Variants in CCDC18 observed in about 807,000 individuals in gnomAD.
CCDC18 encodes coiled-coil domain containing 18, also known as coiled-coil domain-containing protein 18.
CCDC18 carries 157 observed loss-of-function variants against 196.0 expected under a neutral mutation model. That is an observed-to-expected ratio of 0.80 (90% CI 0.70 to 0.91). CCDC18 has a LOEUF of 0.91. Ranked by LOEUF, CCDC18 falls within the 40% of genes least tolerant of loss-of-function variation. The pLI, the probability that CCDC18 is intolerant of heterozygous loss-of-function variation, is 0.00. For missense variants in CCDC18, 1,465 were observed against 1,611.6 expected, an observed-to-expected ratio of 0.91 and a Z score of 1.56; for synonymous variants, 482 against 529.2, an observed-to-expected ratio of 0.91 and a Z score of 1.22.
Position 93,270,587 on chromosome 1 carries a change from C to G in CCDC18, c.4126C>G (p.Gln1376Glu). The change falls in exon 28 of 29, where the codon CAG (glutamine) becomes GAG (glutamate). Residue 1376 changes from glutamine (Q) to glutamate (E), a missense_variant. Gln to Glu is a conservative substitution (Grantham distance 29). Coordinates refer to ENST00000690025, the MANE Select transcript of CCDC18 (RefSeq NM_001378204.1). ...GDEDLSEELL[Q>E]DLKKMQLEQP... Reference sequence around the variant, plus strand: ...TGAAGATCTTTCTGAAGAATTACTACAGGACTTAAAGAAAATGCAATTAGA... The same window carrying G: ...TGAAGATCTTTCTGAAGAATTACTAGAGGACTTAAAGAAAATGCAATTAGA... 6.5e-7 allele frequency: 1 copy of G among 1,550,344 alleles called. No homozygotes were observed. The highest frequency in any genetic ancestry group is 8.7e-7 in the Non-Finnish European group (1 of 1,146,882).
Position 93,226,412 on chromosome 1 carries a change from A to G in CCDC18, c.2255A>G (p.Glu752Gly). ...TTGAATCAATTGGAAGGAAATAAGG[A>G]AAAGTTTGAAAAACAGTTAAAGAAG... ...LHLNQLEGNK[E>G]KFEKQLKKKS... Residue 752 changes from glutamate (E) to glycine (G), a missense_variant, in exon 17 of 29, where the codon GAA becomes GGA. Coordinates refer to ENST00000690025, the MANE Select transcript of CCDC18 (RefSeq NM_001378204.1). The G allele has an allele frequency of 6.3e-7, 1 of 1,574,858 alleles. No homozygotes were observed. Among genetic ancestry groups the G allele is most frequent in the Non-Finnish European group, 8.7e-7 (1 of 1,147,260 alleles).
chr1:93,186,633 T>C, intron 4 of CCDC18, 130 bp downstream of exon 4: 4 of 609,942 alleles, frequency 6.6e-6, no homozygotes, highest in Non-Finnish European at 8.3e-6. Flanking sequence ...TATAATACTA[T>C]AGTATCAACA....
chr1:93,226,798 T>C (rs1466810345), intron 17 of CCDC18, among the ~76,000 whole-genome samples: 2 of 152,160 alleles, frequency 1.3e-5, no homozygotes, highest in Non-Finnish European at 2.9e-5. Context: ...CCTCCCAAAG[T>C]GCTGGGATTA....
In CCDC18 at chr1:93,278,485, A is replaced by G; in HGVS notation, c.*8A>G. 1 of 1,291,686 alleles carries G rather than the reference A, an allele frequency of 7.7e-7. No individual in the cohort carries two copies. The highest frequency in any genetic ancestry group is 1.1e-6 in the Non-Finnish European group (1 of 951,712). The allele number at this position is 1,291,686 out of a possible 1,614,324, so 80.0% of individuals were successfully genotyped here. A position where few individuals can be genotyped will look rare whatever the true frequency, so the allele number is the denominator to read the frequency against. On this transcript the variant is annotated 3_prime_UTR_variant, in exon 29 of 29. Coordinates refer to ENST00000690025, the MANE Select transcript of CCDC18 (RefSeq NM_001378204.1). ...TAGGGAGAAAATGTGTAATTCAAAG[A>G]AGATACTGATGTGTTGAAAAAATGG...
upstream of CCDC18, chr1:93,180,196 G>A: frequency 6.2e-7 from 1 of 1,613,414 alleles, no homozygotes; most frequent in East Asian, 2.2e-5. Context: ...CGGAGGCAGA[G>A]CGGCCAGAAG....
At chr1:93,246,474 C>T (rs976098275) in intron 22 of CCDC18, among the ~76,000 whole-genome samples, 3 of 152,020 alleles carry the variant, frequency 2.0e-5, no homozygotes, top group African/African-American at 7.2e-5. Flanking sequence ...GTTGGAGGAA[C>T]AAAAATATTT....
At chr1:93,276,379 C>G (rs1049969803) in intron 28 of CCDC18, among the ~76,000 whole-genome samples, 2 of 152,242 alleles carry the variant, frequency 1.3e-5, no homozygotes, top group South Asian at 2.1e-4. Context: ...AGTTCAGAGA[C>G]TTCATATTAA....
At chr1:93,220,637 T>C (rs1421264075) in intron 14 of CCDC18, among the ~76,000 whole-genome samples, 1 of 152,136 alleles carries the variant, frequency 6.6e-6, no homozygotes, top group Non-Finnish European at 1.5e-5. Flanking sequence ...TCTTCAGCCG[T>C]TAAGTTCAGG....
At chr1:93,205,270 T>C (rs1654538363) in intron 7 of CCDC18, among the ~76,000 whole-genome samples, 1 of 152,168 alleles carries the variant, frequency 6.6e-6, no homozygotes, top group African/African-American at 2.4e-5. Flanking sequence ...TTGACTTCAG[T>C]TGATGCAATT....
intron 19 of CCDC18, among the ~76,000 whole-genome samples, chr1:93,238,168 T>G (rs1203154941): frequency 1.3e-5 from 2 of 152,224 alleles, no homozygotes; most frequent in Non-Finnish European, 1.5e-5. Context: ...TCTATGCCAA[T>G]CTCTTTTGAT....
intron 27 of CCDC18, among the ~76,000 whole-genome samples, chr1:93,269,476 A>T (rs1664998393): frequency 6.6e-6 from 1 of 151,336 alleles, no homozygotes; most frequent in Admixed American, 6.6e-5. Flanking sequence ...AAAAAAAAAA[A>T]GGAAAATACC....
intron 9 of CCDC18, among the ~76,000 whole-genome samples, chr1:93,208,734 T>G (rs560007137): frequency 6.6e-6 from 1 of 152,210 alleles, no homozygotes; most frequent in Non-Finnish European, 1.5e-5. Context: ...TGGTGCCATC[T>G]TGGCTCATCG....
intron 10 of CCDC18, among the ~76,000 whole-genome samples, chr1:93,211,165 CT>C (rs1378333882): frequency 2.0e-5 from 3 of 151,876 alleles, no homozygotes; most frequent in African/African-American, 7.3e-5. Flanking sequence ...GTAATCCCCA[CT>C]ACTTGGGAGG....
chr1:93,265,073 A>G, intron 27 of CCDC18, 172 bp downstream of exon 27: 1 of 553,720 alleles, frequency 1.8e-6, no homozygotes, highest in Admixed American at 3.3e-5. Flanking sequence ...GATGATGTAC[A>G]TCTTATTACC....
intron 14 of CCDC18, among the ~76,000 whole-genome samples, chr1:93,218,130 G>T (rs1276556606): frequency 6.6e-6 from 1 of 152,020 alleles, no homozygotes; most frequent in African/African-American, 2.4e-5. Flanking sequence ...AAAAATATCA[G>T]TTGCTTGAAG....
chr1:93,256,492 G>T lies in CCDC18; in HGVS notation c.3500G>T (p.Arg1167Met), dbSNP rs1362875112. The part of the protein sequence containing the change: ...QQVQAQREIE[R>M]LSSELEDMKQ... ...GTCCAAGCACAGAGAGAAATAGAAAGGCTCTCTAGTGAACTGGAGGATATG... is the reference window on the plus strand; with the variant it reads ...GTCCAAGCACAGAGAGAAATAGAAATGCTCTCTAGTGAACTGGAGGATATG... The change falls in exon 25 of 29, where the codon AGG (arginine) becomes ATG (methionine). Residue 1167 changes from arginine (R) to methionine (M), a missense_variant. Physicochemically the swap from Arg to Met is moderately conservative, Grantham distance 91. Transcript: ENST00000690025. 6.2e-7 allele frequency: 1 copy of T among 1,613,970 alleles called. No homozygotes were observed. Among genetic ancestry groups the T allele is most frequent in the East Asian group, 2.2e-5 (1 of 44,856 alleles).
At chr1:93,256,753 T>C (rs868466737) in intron 25 of CCDC18, among the ~76,000 whole-genome samples, 12 of 152,210 alleles carry the variant, frequency 7.9e-5, no homozygotes, top group African/African-American at 2.9e-4. Flanking sequence ...CTGTGTTATA[T>C]ATAGATAACT....
At position 93,210,165 on chromosome 1, in the gene CCDC18, A is replaced by G. The variant is rs543015699; in HGVS notation, c.1210-637A>G. On this transcript the variant is annotated intron_variant, in intron 9 of 28. Transcript: ENST00000690025. Reference sequence around the variant, plus strand: ...CGATTAGAAAATGTGATTTTTTTCTACTTCTAGGAGGTGTGATTCGGTTAT... The same window carrying G: ...CGATTAGAAAATGTGATTTTTTTCTGCTTCTAGGAGGTGTGATTCGGTTAT... Among the ~76,000 whole-genome samples, 5 of 152,288 alleles carry G rather than the reference A, an allele frequency of 3.3e-5. No individual in the cohort carries two copies. In the East Asian group the frequency reaches 9.6e-4, roughly 29 times the overall value.
At chr1:93,256,720 CCA>C (rs755978252) in intron 25 of CCDC18, among the ~76,000 whole-genome samples, 182 bp downstream of exon 25, 45 of 151,914 alleles carry the variant, frequency 3.0e-4, no homozygotes, top group Non-Finnish European at 5.9e-4. Flanking sequence ...GTGTATTTTA[CCA>C]CAATTTTAGA....
Sources: gnomAD v4.1 joint callset for allele counts (sites outside exome capture counted in the v4.1 genomes callset) on GRCh38, gnomAD v4.1.1 for gene constraint, MANE v1.5 for transcripts, NCBI Gene and HGNC (gene_info 2026-07-23, HGNC 2026-07-21) for gene names.